GAL3ST2: variants seen among roughly 807,000 people sequenced by gnomAD.
GAL3ST2 encodes the protein galactose-3-O-sulfotransferase 2.
GAL3ST2 carries 16 observed loss-of-function variants against 12.9 expected under a neutral mutation model. That is an observed-to-expected ratio of 1.24 (90% CI 0.84 to 1.88). The LOEUF is 1.88. Among genes scored for constraint, GAL3ST2 ranks in the 40% most tolerant of loss-of-function variants. The probability of loss-of-function intolerance (pLI) is 0.00; values close to 1 mark genes in which losing one functional copy is unlikely to be tolerated. For synonymous variants in GAL3ST2, 302 were observed against 273.9 expected, an observed-to-expected ratio of 1.10 and a Z score of -1.01; for missense variants, 639 against 571.8, an observed-to-expected ratio of 1.12 and a Z score of -1.20.
At chr2:241,803,207 C>A in intron 3 of GAL3ST2, 138 bp from the exon 4 acceptor site, 1 of 690,876 alleles carries the variant, frequency 1.4e-6, no homozygotes, top group Non-Finnish European at 2.4e-6. Context: ...CGAGAAGGCG[C>A]CAGGCCCAGG....
intron 1 of GAL3ST2, among the ~76,000 whole-genome samples, chr2:241,778,216 C>T (rs1375850492): frequency 2.0e-5 from 3 of 152,232 alleles, no homozygotes; most frequent in East Asian, 3.9e-4. Flanking sequence ...GTGGGAGGCT[C>T]ACCTCGCTTG....
Position 241,803,337 on chromosome 2 carries a change from CCA to C in GAL3ST2, c.376-3_376-2del. 3.8e-6 allele frequency: 6 copies of C among 1,586,062 alleles called. No homozygotes were observed. Among genetic ancestry groups the C allele is most frequent in the Non-Finnish European group, 5.2e-6 (6 of 1,162,610 alleles). ...CGGTCCGCAGCCCGCCTCTCTGTCG[CCA>C]CACAGGTGCAGAAAGTCATGCCCAA... On this transcript the variant is annotated splice_region_variant and splice_polypyrimidine_tract_variant and intron_variant, in intron 3 of 3. Coordinates refer to ENST00000192314, the MANE Select transcript of GAL3ST2 (RefSeq NM_022134.3).
At chr2:241,779,966 A>G (rs1445231285) in intron 1 of GAL3ST2, among the ~76,000 whole-genome samples, 1 of 151,776 alleles carries the variant, frequency 6.6e-6, no homozygotes, top group Non-Finnish European at 1.5e-5. Context: ...AGCCTGGGCA[A>G]CAAGAGCACA....
chr2:241,781,797 GGATT>G (rs1559412361), intron 1 of GAL3ST2, among the ~76,000 whole-genome samples: 1 of 152,172 alleles, frequency 6.6e-6, no homozygotes, highest in African/African-American at 2.4e-5. Context: ...ATGTCTTAAA[GGATT>G]AATTAGGTCA....
intron 1 of GAL3ST2, among the ~76,000 whole-genome samples, chr2:241,798,821 C>T (rs1699807305): frequency 6.6e-6 from 1 of 152,216 alleles, no homozygotes; most frequent in South Asian, 2.1e-4. Context: ...GGCTCATCCA[C>T]TAGGCTCTTT....
At chr2:241,796,935 C>T (rs1467317135) in intron 1 of GAL3ST2, among the ~76,000 whole-genome samples, 4 of 152,152 alleles carry the variant, frequency 2.6e-5, no homozygotes, top group Admixed American at 1.3e-4. Flanking sequence ...GAGGGGACTG[C>T]GGGGGGCTTG....
rs546441941 is a variant in GAL3ST2, at chr2:241,803,553, T to C, written c.584T>C (p.Phe195Ser). The change falls in exon 4 of 4, where the codon TTC becomes TCC. Residue 195 changes from phenylalanine (F) to serine (S), a missense_variant. Coordinates refer to ENST00000192314, the MANE Select transcript of GAL3ST2 (RefSeq NM_022134.3). ...GTCTACGCCAAGAACAACATGTGGT[T>C]CGACTTCGGCTTCGACCCCAACGCG... The part of the protein sequence containing the change: ...RNVYAKNNMW[F>S]DFGFDPNAQC... The C allele has an allele frequency of 1.2e-6, 2 of 1,606,952 alleles. No individual in the cohort carries two copies. The highest frequency in any genetic ancestry group is 2.7e-5 in the African/African-American group (2 of 74,946).
In GAL3ST2 at chr2:241,800,389, C is replaced by G. The variant is rs1231839612; in HGVS notation, c.119+1235C>G. ...GGAGGGGGTGGGACAGGGGCTTACG[C>G]TGAACGGCTTGGCCAAGTACACGTT... On this transcript the variant is annotated intron_variant, in intron 2 of 3. Coordinates refer to ENST00000192314, the MANE Select transcript of GAL3ST2 (RefSeq NM_022134.3). This position sits in a 1 kb window ranked among gnomAD's most constrained non-coding sequence, Gnocchi z 5.2. Among the ~76,000 whole-genome samples the G allele has an allele frequency of 2.0e-5, 3 of 151,706 alleles. No homozygotes were observed. The highest frequency in any genetic ancestry group is 4.4e-5 in the Non-Finnish European group (3 of 68,040).
At chr2:241,781,740 A>T (rs1380771969) in intron 1 of GAL3ST2, among the ~76,000 whole-genome samples, 3 of 152,278 alleles carry the variant, frequency 2.0e-5, no homozygotes, top group Non-Finnish European at 4.4e-5. Context: ...TATAACTTTT[A>T]TACCAAATAA....
At position 241,802,042 on chromosome 2, in the gene GAL3ST2, G is replaced by T. The variant is rs755871610; in HGVS notation, c.375+6G>T. 2.5e-6 allele frequency: 4 copies of T among 1,605,058 alleles called. No homozygotes were observed. Among genetic ancestry groups the T allele is most frequent in the Non-Finnish European group, 3.4e-6 (4 of 1,176,142 alleles). ...TGAGGTTCAACCTGCCTCAGGTACC[G>T]CGGGCCTGCTGGGGAGGAGGGCGGG... On this transcript the variant is annotated splice_donor_region_variant and intron_variant, in intron 3 of 3. Transcript: ENST00000192314. The surrounding 1 kb of genome is among the most constrained non-coding windows in gnomAD (Gnocchi z 4.8).
At chr2:241,785,278 G>A (rs1699614527) in intron 1 of GAL3ST2, among the ~76,000 whole-genome samples, 1 of 152,086 alleles carries the variant, frequency 6.6e-6, no homozygotes, top group South Asian at 2.1e-4. Context: ...CAGCCCACGT[G>A]TGGTGGCTCA....
At chr2:241,780,939 G>A (rs114131819) in intron 1 of GAL3ST2, among the ~76,000 whole-genome samples, 2,732 of 152,336 alleles carry the variant, frequency 0.018, 90 homozygotes, top group African/African-American at 0.063. Flanking sequence ...TATTGGGTCC[G>A]TAAGTCAAGT....
intron 1 of GAL3ST2, among the ~76,000 whole-genome samples, chr2:241,780,934 G>A (rs1229824051): frequency 6.6e-6 from 1 of 152,170 alleles, no homozygotes; most frequent in Admixed American, 6.5e-5. Flanking sequence ...GCATTTATTG[G>A]GTCCGTAAGT....
chr2:241,786,014 A>T (rs1252381219), intron 1 of GAL3ST2, among the ~76,000 whole-genome samples: 1 of 152,200 alleles, frequency 6.6e-6, no homozygotes, highest in African/African-American at 2.4e-5. Context: ...TGCTCTTTCA[A>T]TTTGGTCTGG....
At chr2:241,796,145 C>T (rs1008124473) in intron 1 of GAL3ST2, among the ~76,000 whole-genome samples, 2 of 152,174 alleles carry the variant, frequency 1.3e-5, no homozygotes, top group Admixed American at 6.5e-5. Context: ...AGATGTCATA[C>T]GAAGAGGTTC....
chr2:241,801,877 C>T lies in GAL3ST2; in HGVS notation c.216C>T (p.Tyr72=), dbSNP rs1203461367. 1 of 1,613,010 alleles carries T rather than the reference C, an allele frequency of 6.2e-7. No individual in the cohort carries two copies. Among genetic ancestry groups the T allele is most frequent in the East Asian group, 2.2e-5 (1 of 44,866 alleles). ...TASSTVLNIL[Y]RFAETHNLSV... ...GCAGCACGGTGCTCAACATCCTCTA[C>T]CGCTTCGCCGAGACCCACAACCTGT... is the stretch of plus-strand genomic sequence containing the variant. The change falls in exon 3 of 4, where the codon TAC becomes TAT. Residue 72 remains tyrosine, a synonymous_variant. Transcript: ENST00000192314. This position sits in a 1 kb window ranked among gnomAD's most constrained non-coding sequence, Gnocchi z 4.4.
In GAL3ST2 at chr2:241,793,601, ATG is replaced by A. The variant is rs770981195; in HGVS notation, c.30-5456_30-5455del. Among the ~76,000 whole-genome samples the A allele has an allele frequency of 4.0e-4, 55 of 136,976 alleles. No homozygotes were observed. Among genetic ancestry groups the A allele is most frequent in the African/African-American group, 9.6e-4 (33 of 34,308 alleles). 89.9% of individuals were successfully genotyped at this position (136,976 alleles called of 152,430 possible). On this transcript the variant is annotated intron_variant, in intron 1 of 3. Coordinates refer to ENST00000192314, the MANE Select transcript of GAL3ST2 (RefSeq NM_022134.3). This position sits in a 1 kb window ranked among gnomAD's most constrained non-coding sequence, Gnocchi z 4.7. ...TATGTGTATGTATGTATATGTGTAT[ATG>A]TGTGTGTATTGTGTGTGTACATATT...
At chr2:241,786,279 GA>G (rs1190411752) in intron 1 of GAL3ST2, among the ~76,000 whole-genome samples, 1 of 151,800 alleles carries the variant, frequency 6.6e-6, no homozygotes, top group African/African-American at 2.4e-5. Flanking sequence ...GAAAAAGACT[GA>G]AAAAACAACA....
rs1273029238 is a variant in GAL3ST2, at chr2:241,800,395, G to A, written c.119+1241G>A. ...GGTGGGACAGGGGCTTACGCTGAAC[G>A]GCTTGGCCAAGTACACGTTCAGCAG... On this transcript the variant is annotated intron_variant, in intron 2 of 3. Coordinates refer to ENST00000192314, the MANE Select transcript of GAL3ST2 (RefSeq NM_022134.3). This position sits in a 1 kb window ranked among gnomAD's most constrained non-coding sequence, Gnocchi z 5.2. Among the ~76,000 whole-genome samples the A allele has an allele frequency of 6.6e-6, 1 of 152,150 alleles. No homozygotes were observed. The highest frequency in any genetic ancestry group is 6.5e-5 in the Admixed American group (1 of 15,280).
Sources: allele counts gnomAD v4.1 joint callset (sites outside exome capture counted in the v4.1 genomes callset), GRCh38; gene constraint gnomAD v4.1.1; non-coding constraint Gnocchi (gnomAD v3.1); transcripts MANE v1.5; gene names NCBI Gene and HGNC (gene_info 2026-07-23, HGNC 2026-07-21).